EPB41L4B: variants seen among roughly 807,000 people sequenced by gnomAD.
EPB41L4B encodes the protein band 4.1-like protein 4B.
EPB41L4B carries 30 observed loss-of-function variants against 112.5 expected under a neutral mutation model. The ratio of observed to expected loss-of-function variants is 0.27; its 90% CI spans 0.20 to 0.36. The LOEUF (loss-of-function observed/expected upper bound fraction) is 0.36, where lower values mean the gene tolerates loss of function less well. EPB41L4B is among the 10% of genes least tolerant of loss of function. The probability of loss-of-function intolerance (pLI) is 1.00; values close to 1 mark genes in which losing one functional copy is unlikely to be tolerated. For synonymous variants in EPB41L4B, 408 were observed against 439.7 expected (o/e 0.93, Z 0.90); for missense variants, 1,024 against 1,133.3 (o/e 0.90, Z 1.38).
chr9:109,240,240 T>A, intron 15 of EPB41L4B: 1 of 985,410 alleles, frequency 1.0e-6, no homozygotes, highest in Non-Finnish European at 1.2e-6. Flanking sequence ...AACACATTTA[T>A]TTGTATGCAG....
chr9:109,311,610 A>G (rs955510102), intron 1 of EPB41L4B, among the ~76,000 whole-genome samples: 2 of 152,366 alleles, frequency 1.3e-5, no homozygotes, highest in African/African-American at 4.8e-5. Context: ...CCTGCAAAAA[A>G]TGCTGAGAAA....
intron 6 of EPB41L4B, 112 bp downstream of exon 6, chr9:109,262,938 T>C (rs1040978352): frequency 2.0e-5 from 15 of 736,938 alleles, no homozygotes; most frequent in Non-Finnish European, 3.4e-5. Context: ...CCGTGTCATA[T>C]TCATTTATAT....
chr9:109,240,844 C>T (rs748912139), intron 15 of EPB41L4B: 37 of 985,318 alleles, frequency 3.8e-5, no homozygotes, highest in African/African-American at 5.2e-5. Flanking sequence ...TGAAATCACG[C>T]AAGTTAGCAG....
chr9:109,279,585 A>G (rs1193146156), intron 2 of EPB41L4B, among the ~76,000 whole-genome samples: 2 of 152,148 alleles, frequency 1.3e-5, no homozygotes, highest in East Asian at 3.8e-4. Context: ...ATGCATCCCT[A>G]ATGAATCCCA....
chr9:109,285,461 C>T (rs999484), intron 1 of EPB41L4B, among the ~76,000 whole-genome samples: 27,201 of 152,050 alleles, frequency 0.18, 2,967 homozygotes, highest in Admixed American at 0.24. Flanking sequence ...AACTCTGATG[C>T]TTTTTTAAAT....
intron 1 of EPB41L4B, among the ~76,000 whole-genome samples, chr9:109,296,683 C>T (rs976078572): frequency 1.3e-5 from 2 of 151,878 alleles, no homozygotes; most frequent in Non-Finnish European, 2.9e-5. Context: ...GCCAGGAATT[C>T]AAGATTGGCA....
At chr9:109,243,102 G>T (rs1395752607) in intron 15 of EPB41L4B, among the ~76,000 whole-genome samples, 1 of 149,398 alleles carries the variant, frequency 6.7e-6, no homozygotes, top group Non-Finnish European at 1.5e-5. Context: ...CCACAAAGCA[G>T]AATATATTGA....
At chr9:109,286,110 G>T (rs1203638219) in intron 1 of EPB41L4B, among the ~76,000 whole-genome samples, 4 of 145,246 alleles carry the variant, frequency 2.8e-5, no homozygotes, top group African/African-American at 7.5e-5. Flanking sequence ...GCACACAGCA[G>T]GCGCTCCATA....
chr9:109,281,283 C>T (rs1836026376), intron 1 of EPB41L4B, among the ~76,000 whole-genome samples: 1 of 152,274 alleles, frequency 6.6e-6, no homozygotes, highest in Middle Eastern at 3.4e-3. Flanking sequence ...AGGGTACATA[C>T]AACTAGTTCC....
chr9:109,286,807 C>A (rs1329073264), intron 1 of EPB41L4B, among the ~76,000 whole-genome samples: 1 of 152,174 alleles, frequency 6.6e-6, no homozygotes, highest in Admixed American at 6.5e-5. Flanking sequence ...ATTTCCCTCC[C>A]TGCCTTCTTA....
chr9:109,213,692 C>G lies in EPB41L4B; in HGVS notation c.1752+8G>C. 6.2e-7 allele frequency: 1 copy of G among 1,612,394 alleles called. No homozygotes were observed. On this transcript the variant is annotated splice_region_variant and intron_variant, in intron 17 of 25. Transcript: ENST00000374566. The stretch of plus-strand genomic sequence containing the variant: ...CCATGGTCATGGCAGAGCCCCGGCC[C>G]TTGGCACCTTGTTTATGTTGATGTG...
intron 1 of EPB41L4B, among the ~76,000 whole-genome samples, chr9:109,294,234 G>A (rs1273752730): frequency 6.6e-6 from 1 of 151,776 alleles, no homozygotes; most frequent in Non-Finnish European, 1.5e-5. Flanking sequence ...GAACTCAGGA[G>A]GTGAAGCTTG....
intron 1 of EPB41L4B, among the ~76,000 whole-genome samples, chr9:109,283,128 A>G (rs1215745331): frequency 6.6e-6 from 1 of 152,236 alleles, no homozygotes; most frequent in Non-Finnish European, 1.5e-5. Flanking sequence ...CACTTGGGTG[A>G]CAAAACTGGA....
intron 7 of EPB41L4B, among the ~76,000 whole-genome samples, chr9:109,257,033 G>A (rs528426888): frequency 6.6e-6 from 1 of 152,328 alleles, no homozygotes; most frequent in East Asian, 1.9e-4. Context: ...ATATGTAAAT[G>A]CAAAAGGAAA....
intron 15 of EPB41L4B, among the ~76,000 whole-genome samples, chr9:109,226,812 AAC>A (rs1368540010): frequency 1.4e-5 from 2 of 147,296 alleles, no homozygotes; most frequent in African/African-American, 4.9e-5. Context: ...ATATATGAAG[AAC>A]ATATATATAT....
At chr9:109,195,272 G>A (rs888156527) in intron 20 of EPB41L4B, among the ~76,000 whole-genome samples, 63 of 151,942 alleles carry the variant, frequency 4.1e-4, no homozygotes, top group Non-Finnish European at 5.0e-4. Context: ...ATGACAGGTA[G>A]GCACCAGTGC....
intron 13 of EPB41L4B, among the ~76,000 whole-genome samples, chr9:109,248,548 C>G (rs1834646711): frequency 6.6e-6 from 1 of 152,180 alleles, no homozygotes; most frequent in South Asian, 2.1e-4. Flanking sequence ...GCTAAACCAA[C>G]TTGGCTCTTA....
chr9:109,187,533 G>T (rs1832312643), intron 22 of EPB41L4B, among the ~76,000 whole-genome samples: 1 of 152,076 alleles, frequency 6.6e-6, no homozygotes, highest in South Asian at 2.1e-4. Context: ...CCCTCCTGCT[G>T]CTCTCTATGG....
chr9:109,223,545 T>C (rs1833664115), intron 15 of EPB41L4B, among the ~76,000 whole-genome samples: 1 of 151,948 alleles, frequency 6.6e-6, no homozygotes, highest in Admixed American at 6.6e-5. Context: ...CAAGGCTGAG[T>C]GATCAATGCC....
Sources: gnomAD v4.1 joint callset for allele counts (sites outside exome capture counted in the v4.1 genomes callset) on GRCh38, gnomAD v4.1.1 for gene constraint, MANE v1.5 for transcripts, NCBI Gene and HGNC (gene_info 2026-07-23, HGNC 2026-07-21) for gene names.